Variants in CSMD2 observed in about 807,000 individuals in gnomAD.
CSMD2 encodes the protein CUB and sushi domain-containing protein 2.
In CSMD2, 130 loss-of-function variants were observed where a neutral mutation model predicts 398.5. That is an observed-to-expected ratio of 0.33 (90% confidence interval 0.28 to 0.38). The LOEUF (loss-of-function observed/expected upper bound fraction) is 0.38, where lower values mean the gene tolerates loss of function less well. CSMD2 is among the 10% of genes least tolerant of loss of function. The probability of loss-of-function intolerance (pLI) is 1.00; values close to 1 mark genes in which losing one functional copy is unlikely to be tolerated. For synonymous variants in CSMD2, 1,828 were observed against 1,908.5 expected, an observed-to-expected ratio of 0.96 and a Z score of 1.10; for missense variants, 3,829 against 4,764.9, an observed-to-expected ratio of 0.80 and a Z score of 5.78.
intron 53 of CSMD2, among the ~76,000 whole-genome samples, chr1:33,566,741 G>A (rs888200011): frequency 6.6e-6 from 1 of 152,134 alleles, no homozygotes; most frequent in Non-Finnish European, 1.5e-5. Context: ...GGAGATACTA[G>A]TTATGAATAT....
intron 9 of CSMD2, among the ~76,000 whole-genome samples, chr1:33,811,773 A>T (rs1488779279): frequency 1.3e-5 from 2 of 152,220 alleles, no homozygotes; most frequent in African/African-American, 4.8e-5. Context: ...ATGTGTGCTT[A>T]GTTCTAGCCA....
chr1:33,869,434 G>C (rs1640289830), intron 5 of CSMD2: 1 of 152,142 alleles, frequency 6.6e-6, no homozygotes, highest in African/African-American at 2.4e-5. Context: ...GAAATGGGTG[G>C]GCACGGGTGG....
At chr1:34,013,362 A>C (rs1266578681) in intron 3 of CSMD2, among the ~76,000 whole-genome samples, 1 of 152,100 alleles carries the variant, frequency 6.6e-6, no homozygotes, top group Non-Finnish European at 1.5e-5. Context: ...TCTCCCTCAG[A>C]GGGGCATCCT....
intron 19 of CSMD2, among the ~76,000 whole-genome samples, chr1:33,721,928 A>C (rs984426531): frequency 1.3e-5 from 2 of 152,224 alleles, no homozygotes; most frequent in African/African-American, 4.8e-5. Flanking sequence ...TTTCTATGCA[A>C]ACAAGGATGT....
intron 1 of CSMD2, among the ~76,000 whole-genome samples, chr1:34,153,822 C>T (rs1248217489): frequency 6.6e-6 from 1 of 152,140 alleles, no homozygotes; most frequent in East Asian, 1.9e-4. Flanking sequence ...CCATGGGACC[C>T]CACCATGCTC....
In CSMD2 at chr1:33,626,486, C is replaced by T. The variant is rs1642136806; in HGVS notation, c.5296G>A (p.Ala1766Thr). The T allele has an allele frequency of 6.2e-7, 1 of 1,601,690 alleles. No homozygotes were observed. The highest frequency in any genetic ancestry group is 8.5e-7 in the Non-Finnish European group (1 of 1,174,318). Residue 1766 changes from alanine to threonine, a missense_variant and splice_region_variant, in exon 33 of 71, where the codon GCG becomes ACG. Ala to Thr is a moderately conservative substitution (Grantham distance 58, BLOSUM62 0). This residue lies in a region of CSMD2 where 2,001 missense variants were observed against 2,567.1 expected (regional missense o/e 0.78). Transcript: ENST00000373381. ...CCTCCGGCGTCCATGTCCTCCATAC[C>T]TTGGTAGACAAAGTGGAAGCCTCTG... ...PARGFHFVYQAVPRTSATQCS... is the reference protein window; with the variant it reads ...PARGFHFVYQTVPRTSATQCS...
intron 26 of CSMD2, among the ~76,000 whole-genome samples, chr1:33,658,865 AAAAC>A (rs1337581243): frequency 1.3e-5 from 2 of 152,166 alleles, no homozygotes; most frequent in Non-Finnish European, 2.9e-5. Context: ...GCTCATCTCT[AAAAC>A]AAACAAACAA....
chr1:34,080,253 G>T (rs2148331470), intron 2 of CSMD2, among the ~76,000 whole-genome samples: 1 of 151,556 alleles, frequency 6.6e-6, no homozygotes, highest in East Asian at 1.9e-4. Flanking sequence ...GAAGAGTATA[G>T]GATCACAGTA....
intron 2 of CSMD2, among the ~76,000 whole-genome samples, chr1:34,072,325 A>T (rs1655816629): frequency 6.6e-6 from 1 of 152,326 alleles, no homozygotes; most frequent in East Asian, 1.9e-4. Context: ...GAAGACTAGA[A>T]TGACAAGTCC....
At chr1:33,709,844 T>C (rs1045485224) in intron 21 of CSMD2, among the ~76,000 whole-genome samples, 1 of 152,050 alleles carries the variant, frequency 6.6e-6, no homozygotes, top group Non-Finnish European at 1.5e-5. Context: ...AGGAACCAGG[T>C]ACTCAACCAC....
At chr1:33,712,246 G>A (rs1256993839) in intron 21 of CSMD2, among the ~76,000 whole-genome samples, 1 of 152,098 alleles carries the variant, frequency 6.6e-6, no homozygotes, top group East Asian at 1.9e-4. Context: ...GCTGCAGACT[G>A]GGGTCCCCTG....
chr1:34,127,468 G>A (rs1662864729), intron 1 of CSMD2, among the ~76,000 whole-genome samples: 1 of 152,166 alleles, frequency 6.6e-6, no homozygotes, highest in Non-Finnish European at 1.5e-5. Flanking sequence ...TGGGGACTGT[G>A]GGAGAGACCC....
intron 3 of CSMD2, among the ~76,000 whole-genome samples, chr1:34,019,843 C>T (rs1426130994): frequency 6.6e-6 from 1 of 152,202 alleles, no homozygotes. Flanking sequence ...TGCCCTCATA[C>T]TCCACAACTG....
chr1:33,759,474 C>T (rs1569779636), intron 13 of CSMD2, among the ~76,000 whole-genome samples: 1 of 151,546 alleles, frequency 6.6e-6, no homozygotes, highest in African/African-American at 2.4e-5. Context: ...TACAGGCGCC[C>T]GCCACCATGC....
chr1:33,613,074 G>A (rs1000367076), intron 40 of CSMD2, among the ~76,000 whole-genome samples: 24 of 152,186 alleles, frequency 1.6e-4, no homozygotes, highest in Admixed American at 1.3e-3. Flanking sequence ...ATCTAGTGGA[G>A]CAGCATGTAG....
At chr1:33,790,842 T>TATCTATCTATCA (rs1553207629) in intron 11 of CSMD2, among the ~76,000 whole-genome samples, 2 of 149,090 alleles carry the variant, frequency 1.3e-5, no homozygotes, top group Non-Finnish European at 3.0e-5. Context: ...TCTATCTATC[T>TATCTATCTATCA]ATCATCTATC....
chr1:33,553,160 T>C (rs1261137150), intron 55 of CSMD2, among the ~76,000 whole-genome samples: 2 of 146,350 alleles, frequency 1.4e-5, no homozygotes, highest in Admixed American at 1.4e-4. Context: ...GCTTTACAGA[T>C]GTTGTTTTTT....
intron 3 of CSMD2, among the ~76,000 whole-genome samples, chr1:33,970,554 T>C (rs1386160986): frequency 6.6e-6 from 1 of 152,144 alleles, no homozygotes; most frequent in Non-Finnish European, 1.5e-5. Flanking sequence ...CCCCCCACCC[T>C]TCCTGGCAGG....
intron 44 of CSMD2, among the ~76,000 whole-genome samples, chr1:33,591,551 GC>G (rs1303581242): frequency 1.3e-5 from 2 of 152,056 alleles, no homozygotes; most frequent in African/African-American, 4.8e-5. Flanking sequence ...AAAATCACCT[GC>G]TTTTTTTGCA....
Sources: allele counts gnomAD v4.1 joint callset (sites outside exome capture counted in the v4.1 genomes callset), GRCh38; gene constraint gnomAD v4.1.1; regional missense constraint gnomAD v4.1.1; transcripts MANE v1.5; gene names NCBI Gene and HGNC (gene_info 2026-07-23, HGNC 2026-07-21).